The following SLC15A2 variants were observed in gnomAD, a reference collection of about 807,000 sequenced individuals.
SLC15A2 encodes solute carrier family 15 member 2.
A neutral mutation model predicts 95.5 loss-of-function variants in SLC15A2; 77 were observed. The ratio of observed to expected loss-of-function variants is 0.81; its 90% CI spans 0.67 to 0.97. SLC15A2 has a LOEUF of 0.97. SLC15A2 is among the 50% of genes least tolerant of loss of function. SLC15A2 has a pLI of 0.00. For missense variants in SLC15A2, 893 were observed against 874.4 expected (o/e 1.02, Z -0.27); for synonymous variants, 306 against 306.9 (o/e 1.00, Z 0.03).
At chr3:121,916,386 C>G (rs534728168) in intron 7 of SLC15A2, among the ~76,000 whole-genome samples, 1 of 152,122 alleles carries the variant, frequency 6.6e-6, no homozygotes, top group East Asian at 1.9e-4. Context: ...GAAACCTGTT[C>G]TCCACTCTGA....
At position 121,941,301 on chromosome 3, in the gene SLC15A2, C is replaced by G; in HGVS notation, c.*294C>G. ...ACACACGTATAATGGAGATCATTCT[C>G]TGTGGGTATGCAAAGTTATGGGAAT... On this transcript the variant is annotated 3_prime_UTR_variant, in exon 22 of 22. Coordinates refer to ENST00000489711, the MANE Select transcript of SLC15A2 (RefSeq NM_021082.4). The G allele has an allele frequency of 4.2e-6, 1 of 238,566 alleles. No homozygotes were observed. 14.8% of individuals were successfully genotyped at this position (238,566 alleles called of 1,614,324 possible). A position where few individuals can be genotyped will look rare whatever the true frequency, so the allele number is the denominator to read the frequency against.
At chr3:121,898,372 A>G (rs1011721301) in intron 3 of SLC15A2, among the ~76,000 whole-genome samples, 2 of 152,000 alleles carry the variant, frequency 1.3e-5, no homozygotes, top group African/African-American at 4.8e-5. Flanking sequence ...CTATTGGTTC[A>G]TTCAGTTCAG....
intron 3 of SLC15A2, among the ~76,000 whole-genome samples, chr3:121,908,170 G>A (rs544197777): frequency 4.6e-5 from 7 of 152,362 alleles, no homozygotes; most frequent in African/African-American, 1.7e-4. Flanking sequence ...AGCTCCATGG[G>A]CATGGGACCC....
At chr3:121,913,665 G>A (rs1022667248) in intron 5 of SLC15A2, among the ~76,000 whole-genome samples, 9 of 152,200 alleles carry the variant, frequency 5.9e-5, no homozygotes, top group African/African-American at 2.2e-4. Flanking sequence ...GAAACGTAAT[G>A]AATGTCTATA....
chr3:121,925,140 T>A (rs1401169957), intron 13 of SLC15A2, 107 bp downstream of exon 13: 6 of 786,236 alleles, frequency 7.6e-6, no homozygotes, highest in Middle Eastern at 4.7e-4. Flanking sequence ...TTGGTTTTAG[T>A]TTATCATCTA....
rs1239092101 is a variant in SLC15A2, at chr3:121,922,254, A to T, written c.732A>T (p.Lys244Asn). Reference protein sequence around the residue: ...VFAMGSKIYNKPPPEGNIVAQ... With the variant: ...VFAMGSKIYNNPPPEGNIVAQ... ...CAATGGGAAGCAAAATATACAATAA[A>T]CCACCCCCTGAAGGAAACATAGTGG... is the stretch of plus-strand genomic sequence containing the variant. The change falls in exon 8 of 22, where the codon AAA becomes AAT. Residue 244 changes from lysine to asparagine, a missense_variant. Lys to Asn is a moderately conservative substitution (Grantham distance 94, BLOSUM62 0). Coordinates refer to ENST00000489711, the MANE Select transcript of SLC15A2 (RefSeq NM_021082.4). 6.2e-7 allele frequency: 1 copy of T among 1,613,796 alleles called. No homozygotes were observed. The highest frequency in any genetic ancestry group is 8.5e-7 in the Non-Finnish European group (1 of 1,179,864).
rs540091469 is a variant in SLC15A2, at chr3:121,922,262, C to T, written c.740C>T (p.Pro247Leu). The change falls in exon 8 of 22, where the codon CCT becomes CTT. Residue 247 changes from proline to leucine, a missense_variant. Coordinates refer to ENST00000489711, the MANE Select transcript of SLC15A2 (RefSeq NM_021082.4). ...AGCAAAATATACAATAAACCACCCC[C>T]TGAAGGAAACATAGTGGCTCAAGTT... ...MGSKIYNKPP[P>L]EGNIVAQVFK... The T allele has an allele frequency of 3.3e-4, 540 of 1,613,968 alleles. 6 individuals carry two copies. In the South Asian group the frequency reaches 5.7e-3, roughly 17 times the overall value.
rs765815615 is a variant in SLC15A2, at chr3:121,940,485, A to G, written c.2010A>G (p.Val670=). 2 of 1,611,634 alleles carry G rather than the reference A, an allele frequency of 1.2e-6. No individual in the cohort carries two copies. The highest frequency in any genetic ancestry group is 1.7e-6 in the Non-Finnish European group (2 of 1,177,784). The change falls in exon 21 of 22, where the codon GTA becomes GTG. Residue 670 remains valine (V), a synonymous_variant. Transcript: ENST00000489711. The stretch of plus-strand genomic sequence containing the variant: ...TTGTGGCACAGTTCAGTGGCCTGGT[A>G]CAGGTATGGATCTGAGGGAAGCAGG... ...VLVVAQFSGL[V]QWAEFILFSC...
At chr3:121,939,840 G>A (rs1001816716) in intron 20 of SLC15A2, among the ~76,000 whole-genome samples, 3 of 151,844 alleles carry the variant, frequency 2.0e-5, no homozygotes, top group African/African-American at 7.3e-5. Flanking sequence ...GTGCAGTGGC[G>A]CGATCTCAGC....
intron 3 of SLC15A2, among the ~76,000 whole-genome samples, chr3:121,907,367 C>T (rs1709671284): frequency 6.6e-6 from 1 of 152,254 alleles, no homozygotes; most frequent in African/African-American, 2.4e-5. Flanking sequence ...TCATCAAAGT[C>T]ATTCTCCGTC....
chr3:121,919,398 A>G (rs1709962053), intron 7 of SLC15A2, among the ~76,000 whole-genome samples: 1 of 152,182 alleles, frequency 6.6e-6, no homozygotes, highest in Admixed American at 6.5e-5. Flanking sequence ...ATTGAGTGGC[A>G]GAAGGAAAGC....
At chr3:121,910,152 C>T (rs1246315580) in intron 3 of SLC15A2, among the ~76,000 whole-genome samples, 1 of 150,996 alleles carries the variant, frequency 6.6e-6, no homozygotes, top group Non-Finnish European at 1.5e-5. Context: ...GAAAGTTGTT[C>T]CCTCCCCTGA....
Position 121,924,944 on chromosome 3 carries a change from G to C in SLC15A2, c.1036-1G>C. 1 of 1,600,600 alleles carries C rather than the reference G, an allele frequency of 6.2e-7. No homozygotes were observed. Among genetic ancestry groups the C allele is most frequent in the Non-Finnish European group, 8.6e-7 (1 of 1,167,662 alleles). The stretch of plus-strand genomic sequence containing the variant: ...TAATCCTTTTTATCATGGTGTTACA[G>C]GTTCTAAATCCCCTTCTGGTTCTTA... On this transcript the variant is annotated splice_acceptor_variant, in intron 12 of 21. Transcript: ENST00000489711. LOFTEE classifies it high-confidence loss of function.
chr3:121,906,175 G>A (rs1709638324), intron 3 of SLC15A2, among the ~76,000 whole-genome samples: 1 of 152,076 alleles, frequency 6.6e-6, no homozygotes, highest in Non-Finnish European at 1.5e-5. Flanking sequence ...TGCAACCCCT[G>A]CTTTTTTTTT....
chr3:121,931,062 G>C (rs1237926888), intron 18 of SLC15A2, 112 bp downstream of exon 18: 1 of 660,746 alleles, frequency 1.5e-6, no homozygotes, highest in Non-Finnish European at 2.7e-6. Flanking sequence ...TTTGAGTATA[G>C]ACGCACTACT....
At chr3:121,907,824 C>G (rs1260548190) in intron 3 of SLC15A2, among the ~76,000 whole-genome samples, 1 of 152,250 alleles carries the variant, frequency 6.6e-6, no homozygotes, top group Non-Finnish European at 1.5e-5. Context: ...TTAGGCTACA[C>G]AGGCTTCAGG....
chr3:121,917,694 A>T (rs1709924120), intron 7 of SLC15A2, among the ~76,000 whole-genome samples: 1 of 152,074 alleles, frequency 6.6e-6, no homozygotes, highest in Non-Finnish European at 1.5e-5. Flanking sequence ...TCTCAAAAAT[A>T]AATAAATGAA....
chr3:121,938,234 C>G (rs1242462341), intron 19 of SLC15A2, among the ~76,000 whole-genome samples: 2 of 152,178 alleles, frequency 1.3e-5, no homozygotes, highest in African/African-American at 4.8e-5. Flanking sequence ...CTGTGCCCTG[C>G]CCCCAGAGGT....
intron 3 of SLC15A2, among the ~76,000 whole-genome samples, chr3:121,907,359 A>G (rs1341805988): frequency 6.6e-6 from 1 of 152,196 alleles, no homozygotes; most frequent in Non-Finnish European, 1.5e-5. Context: ...CTGTCAGCTC[A>G]TCAAAGTCAT....
Sources: gnomAD v4.1 joint callset for allele counts (sites outside exome capture counted in the v4.1 genomes callset) on GRCh38, gnomAD v4.1.1 for gene constraint, MANE v1.5 for transcripts, NCBI Gene and HGNC (gene_info 2026-07-23, HGNC 2026-07-21) for gene names.